ASB4: variants seen among roughly 807,000 people sequenced by gnomAD.
The protein encoded by ASB4 is ankyrin repeat and SOCS box containing 4.
In ASB4, 35 loss-of-function variants were observed where a neutral mutation model predicts 38.6. The observed-to-expected ratio is 0.91, with a 90% CI of 0.69 to 1.20. The LOEUF (loss-of-function observed/expected upper bound fraction) is 1.20, where lower values mean the gene tolerates loss of function less well. Among genes scored for constraint, ASB4 ranks in the 50% most tolerant of loss-of-function variants. The pLI is 0.00. For missense variants in ASB4, 557 were observed against 527.2 expected, an observed-to-expected ratio of 1.06 and a Z score of -0.55; for synonymous variants, 195 against 201.3, an observed-to-expected ratio of 0.97 and a Z score of 0.26.
chr7:95,486,215 C>A, intron 1 of ASB4, 57 bp downstream of exon 1: 3 of 1,403,152 alleles, frequency 2.1e-6, no homozygotes, highest in Non-Finnish European at 2.0e-6. Flanking sequence ...AAAAAATGCA[C>A]AGTGTCAGTT....
chr7:95,535,504 C>T (rs1790878592), intron 3 of ASB4, among the ~76,000 whole-genome samples: 1 of 152,134 alleles, frequency 6.6e-6, no homozygotes, highest in Non-Finnish European at 1.5e-5. Flanking sequence ...AGATCTGTGG[C>T]TGGAGCTGCT....
upstream of ASB4, among the ~76,000 whole-genome samples, chr7:95,476,060 T>C (rs932381205): frequency 6.6e-6 from 1 of 152,248 alleles, no homozygotes. Flanking sequence ...CTTTTTATAA[T>C]GCCAGCTCCC....
At chr7:95,498,508 G>A (rs1790283772) in intron 2 of ASB4, among the ~76,000 whole-genome samples, 1 of 152,120 alleles carries the variant, frequency 6.6e-6, no homozygotes, top group South Asian at 2.1e-4. Context: ...TTGGTGAAAT[G>A]TCTGTAACTT....
chr7:95,543,922 A>G (rs1379704167), downstream of ASB4: 1 of 152,212 alleles, frequency 6.6e-6, no homozygotes, highest in Non-Finnish European at 1.5e-5. Context: ...TAACATTTAC[A>G]GGGTATTCAT....
At chr7:95,509,840 A>C (rs1187535969) in intron 2 of ASB4, among the ~76,000 whole-genome samples, 1 of 152,206 alleles carries the variant, frequency 6.6e-6, no homozygotes, top group African/African-American at 2.4e-5. Context: ...CCTTATTTAA[A>C]AAATGAGGAA....
chr7:95,522,595 A>G (rs1458772810), intron 2 of ASB4, among the ~76,000 whole-genome samples: 1 of 152,188 alleles, frequency 6.6e-6, no homozygotes, highest in African/African-American at 2.4e-5. Context: ...ACTGCAGCAT[A>G]GGAAGTGTCT....
chr7:95,542,083 A>AC (rs1231443877), downstream of ASB4: 1 of 145,138 alleles, frequency 6.9e-6, no homozygotes, highest in African/African-American at 2.6e-5. Context: ...AACAAAAAAA[A>AC]CAAAAAAAAA....
At chr7:95,480,069 C>G (rs1313305051) in intron 1 of ASB4, among the ~76,000 whole-genome samples, 2 of 152,198 alleles carry the variant, frequency 1.3e-5, no homozygotes, top group East Asian at 3.8e-4. Context: ...AGGGCCATAA[C>G]ACCTTCCCAG....
Position 95,527,870 on chromosome 7 carries a change from C to T in ASB4, c.545C>T (p.Ala182Val). 1 of 1,613,590 alleles carries T rather than the reference C, an allele frequency of 6.2e-7. No individual in the cohort carries two copies. The highest frequency in any genetic ancestry group is 8.5e-7 in the Non-Finnish European group (1 of 1,179,774). The change falls in exon 3 of 5, where the codon GCT becomes GTT. Residue 182 changes from alanine (A) to valine (V), a missense_variant. By Grantham distance (64) the Ala-to-Val change is moderately conservative. Coordinates refer to ENST00000325885, the MANE Select transcript of ASB4 (RefSeq NM_016116.3). ...GATGAGGAGACGCCCTTGCACACGG[C>T]TGCCCACTTCGGCCTTTCGGAGCTG... ...NQDEETPLHT[A>V]AHFGLSELVA...
the ASB4 span, among the ~76,000 whole-genome samples, chr7:95,545,647 G>C: frequency 6.6e-6 from 1 of 152,046 alleles, no homozygotes; most frequent in African/African-American, 2.4e-5. Context: ...TTCGTGGCTA[G>C]GATCTCAGTG....
upstream of ASB4, among the ~76,000 whole-genome samples, chr7:95,475,930 A>G (rs1789972559): frequency 6.6e-6 from 1 of 152,226 alleles, no homozygotes; most frequent in South Asian, 2.1e-4. Flanking sequence ...GTGTAAACAA[A>G]GAAATCAAAT....
At chr7:95,520,025 A>C (rs535495345) in intron 2 of ASB4, among the ~76,000 whole-genome samples, 6 of 152,242 alleles carry the variant, frequency 3.9e-5, no homozygotes, top group Non-Finnish European at 8.8e-5. Context: ...TGGAGATGAA[A>C]TGGGTAGGTT....
chr7:95,503,284 T>C (rs1271770877), intron 2 of ASB4, among the ~76,000 whole-genome samples: 2 of 152,214 alleles, frequency 1.3e-5, no homozygotes, highest in Non-Finnish European at 2.9e-5. Context: ...CAACCCATCT[T>C]ATGCATGAGG....
chr7:95,536,453 ATTC>A lies in ASB4; in HGVS notation c.998_1000del (p.Ser333del). 6.2e-7 allele frequency: 1 copy of A among 1,612,494 alleles called. No homozygotes were observed. The highest frequency in any genetic ancestry group is 2.2e-5 in the East Asian group (1 of 44,860). On this transcript the variant is annotated inframe_deletion, in exon 4 of 5. Transcript: ENST00000325885. ...CCTCTGCAGGTGATACAGGCCTGCC[ATTC>A]TTGTCCTAAAGCAATTGAAGTTGTA...
intron 4 of ASB4, 149 bp downstream of exon 4, chr7:95,536,699 G>T: frequency 1.9e-6 from 1 of 528,334 alleles, no homozygotes; most frequent in South Asian, 2.4e-5. Context: ...ATAAAATGCA[G>T]GTTTGAGAGT....
chr7:95,477,657 T>C (rs770552325), upstream of ASB4, among the ~76,000 whole-genome samples: 1 of 152,196 alleles, frequency 6.6e-6, no homozygotes, highest in Non-Finnish European at 1.5e-5. Context: ...AATTATGCAA[T>C]TTTGTGCAAA....
intron 2 of ASB4, among the ~76,000 whole-genome samples, chr7:95,497,103 C>A (rs1343006426): frequency 1.3e-5 from 2 of 151,940 alleles, no homozygotes; most frequent in Non-Finnish European, 2.9e-5. Context: ...TGTGTTAGAT[C>A]CTACAGGGCC....
At chr7:95,502,334 A>C (rs1585802174) in intron 2 of ASB4, among the ~76,000 whole-genome samples, 1 of 149,978 alleles carries the variant, frequency 6.7e-6, no homozygotes, top group Non-Finnish European at 1.5e-5. Context: ...TATATGACAA[A>C]CACATAGGGA....
At position 95,528,315 on chromosome 7, in the gene ASB4, C is replaced by T; in HGVS notation, c.978+12C>T. The T allele has an allele frequency of 6.2e-7, 1 of 1,614,012 alleles. No homozygotes were observed. Among genetic ancestry groups the T allele is most frequent in the Non-Finnish European group, 8.5e-7 (1 of 1,180,002 alleles). On this transcript the variant is annotated intron_variant, in intron 3 of 4. Transcript: ENST00000325885. ...CACAGTTCCATAAGGTGAGGCTCTGCCCAGTGGTCAGCAGGTTGAGGAAGA... is the reference window on the plus strand; with the variant it reads ...CACAGTTCCATAAGGTGAGGCTCTGTCCAGTGGTCAGCAGGTTGAGGAAGA...
Sources: allele counts gnomAD v4.1 joint callset (sites outside exome capture counted in the v4.1 genomes callset), GRCh38; gene constraint gnomAD v4.1.1; transcripts MANE v1.5; gene names NCBI Gene and HGNC (gene_info 2026-07-23, HGNC 2026-07-21).